The following ST6GALNAC3 variants were observed in gnomAD, a reference collection of about 807,000 sequenced individuals.
ST6GALNAC3 encodes the protein ST6 N-acetylgalactosaminide alpha-2,6-sialyltransferase 3.
A neutral mutation model predicts 32.7 loss-of-function variants in ST6GALNAC3; 25 were observed. The observed-to-expected ratio is 0.76, with a 90% CI of 0.56 to 1.07. The LOEUF (loss-of-function observed/expected upper bound fraction) is 1.07. Among genes scored for constraint, ST6GALNAC3 ranks in the 50% least tolerant of loss-of-function variants. The pLI is 0.00. For synonymous variants in ST6GALNAC3, 129 were observed against 133.1 expected, an observed-to-expected ratio of 0.97 and a Z score of 0.21; for missense variants, 355 against 382.4, an observed-to-expected ratio of 0.93 and a Z score of 0.60.
At chr1:76,625,540 A>G (rs1445231091) in intron 3 of ST6GALNAC3, among the ~76,000 whole-genome samples, 1 of 151,920 alleles carries the variant, frequency 6.6e-6, no homozygotes, top group Non-Finnish European at 1.5e-5. Flanking sequence ...CAGTACATAG[A>G]CAAAATATTT....
intron 2 of ST6GALNAC3, among the ~76,000 whole-genome samples, chr1:76,322,814 T>C (rs1646994882): frequency 7.1e-6 from 1 of 141,356 alleles, no homozygotes; most frequent in South Asian, 2.3e-4. Context: ...CTAATAGGCA[T>C]TTGCCAAGTA....
At chr1:76,183,965 C>T (rs1653367604) in intron 1 of ST6GALNAC3, among the ~76,000 whole-genome samples, 1 of 150,694 alleles carries the variant, frequency 6.6e-6, no homozygotes, top group South Asian at 2.1e-4. Context: ...CCCACTTCTT[C>T]AGTCATGTGA....
chr1:76,157,264 T>A (rs576178395), intron 1 of ST6GALNAC3, among the ~76,000 whole-genome samples: 1 of 152,352 alleles, frequency 6.6e-6, no homozygotes, highest in African/African-American at 2.4e-5. Flanking sequence ...GCTCTTAAGC[T>A]GTTACATGTC....
intron 3 of ST6GALNAC3, among the ~76,000 whole-genome samples, chr1:76,437,224 C>T (rs937467082): frequency 2.6e-5 from 4 of 152,176 alleles, no homozygotes; most frequent in South Asian, 2.1e-4. Context: ...TAAGTCTGAA[C>T]GAGAAAGCAA....
At chr1:76,211,041 G>T (rs1655125569) in intron 1 of ST6GALNAC3, among the ~76,000 whole-genome samples, 1 of 152,118 alleles carries the variant, frequency 6.6e-6, no homozygotes, top group Non-Finnish European at 1.5e-5. Flanking sequence ...CTCTTCTTAT[G>T]GGGACACTGG....
At position 76,431,975 on chromosome 1, in the gene ST6GALNAC3, C is replaced by G. The variant is rs565905002; in HGVS notation, c.623+19558C>G. Among the ~76,000 whole-genome samples the G allele has an allele frequency of 2.3e-4, 35 of 152,298 alleles. No individual in the cohort carries two copies. The South Asian group carries it at 7.2e-3, about 32-fold the overall frequency. ...TTCACTGTCCTAAAAGTCTTCTCTG[C>G]TCTGTCTATTCATCCCTCTCTCTCC... On this transcript the variant is annotated intron_variant, in intron 3 of 4. Coordinates refer to ENST00000328299, the MANE Select transcript of ST6GALNAC3 (RefSeq NM_152996.4).
intron 2 of ST6GALNAC3, among the ~76,000 whole-genome samples, chr1:76,355,408 A>T (rs894770758): frequency 2.0e-5 from 3 of 151,928 alleles, no homozygotes; most frequent in African/African-American, 7.3e-5. Flanking sequence ...CTGCTTTGAG[A>T]TGTGCATTGT....
chr1:76,619,261 C>T (rs1249372830), intron 3 of ST6GALNAC3, among the ~76,000 whole-genome samples: 2 of 152,068 alleles, frequency 1.3e-5, no homozygotes, highest in Non-Finnish European at 2.9e-5. Flanking sequence ...TATGTGTTTG[C>T]ATTTCCACTA....
intron 1 of ST6GALNAC3, among the ~76,000 whole-genome samples, chr1:76,300,725 G>C: frequency 6.6e-6 from 1 of 152,034 alleles, no homozygotes; most frequent in East Asian, 1.9e-4. Context: ...TGGGGAGAAG[G>C]TGGGATATGG....
chr1:76,368,468 GC>G (rs1393498093), intron 2 of ST6GALNAC3, among the ~76,000 whole-genome samples: 2 of 152,070 alleles, frequency 1.3e-5, no homozygotes, highest in Non-Finnish European at 2.9e-5. Flanking sequence ...CCTCACTGAT[GC>G]CCCAAATCTG....
At chr1:76,557,130 C>T (rs1472369727) in intron 3 of ST6GALNAC3, among the ~76,000 whole-genome samples, 1 of 151,870 alleles carries the variant, frequency 6.6e-6, no homozygotes, top group African/African-American at 2.4e-5. Context: ...AAAAATTACC[C>T]CCTCCCCGAC....
chr1:76,624,878 A>G (rs1198740313), intron 3 of ST6GALNAC3, among the ~76,000 whole-genome samples: 2 of 151,976 alleles, frequency 1.3e-5, no homozygotes, highest in Non-Finnish European at 2.9e-5. Flanking sequence ...CCATCACACA[A>G]GGGAGCATGA....
At chr1:76,504,047 C>T (rs1661332365) in intron 3 of ST6GALNAC3, among the ~76,000 whole-genome samples, 1 of 152,168 alleles carries the variant, frequency 6.6e-6, no homozygotes, top group South Asian at 2.1e-4. Flanking sequence ...CCTAGGCTGC[C>T]ATAGAAAATT....
intron 1 of ST6GALNAC3, among the ~76,000 whole-genome samples, chr1:76,099,473 A>T (rs1020777919): frequency 6.6e-6 from 1 of 152,224 alleles, no homozygotes; most frequent in African/African-American, 2.4e-5. Flanking sequence ...TGTTTATAAA[A>T]TGTAAAACTA....
chr1:76,470,652 A>T (rs945543272), intron 3 of ST6GALNAC3, among the ~76,000 whole-genome samples: 1 of 151,962 alleles, frequency 6.6e-6, no homozygotes, highest in Non-Finnish European at 1.5e-5. Flanking sequence ...AGGGGGGAAA[A>T]ATCCAGGGTT....
intron 3 of ST6GALNAC3, among the ~76,000 whole-genome samples, chr1:76,556,525 C>T (rs1244376663): frequency 1.3e-5 from 2 of 152,020 alleles, no homozygotes; most frequent in Non-Finnish European, 2.9e-5. Context: ...TCTGATTTCT[C>T]CATATCTTAG....
intron 3 of ST6GALNAC3, among the ~76,000 whole-genome samples, chr1:76,422,742 T>G (rs895601789): frequency 6.6e-6 from 1 of 152,072 alleles, no homozygotes; most frequent in African/African-American, 2.4e-5. Context: ...TAAAGAATTC[T>G]AAGATATCAA....
intron 3 of ST6GALNAC3, among the ~76,000 whole-genome samples, chr1:76,560,556 C>T (rs1352005378): frequency 6.6e-6 from 1 of 152,144 alleles, no homozygotes; most frequent in East Asian, 1.9e-4. Context: ...GGAAGACATA[C>T]AAATGGCAAA....
intron 3 of ST6GALNAC3, among the ~76,000 whole-genome samples, chr1:76,545,257 C>T (rs2100319376): frequency 6.6e-6 from 1 of 152,312 alleles, no homozygotes; most frequent in East Asian, 1.9e-4. Flanking sequence ...TCCTATCCTA[C>T]ATTGCAAAAT....
Sources: allele counts gnomAD v4.1 joint callset (sites outside exome capture counted in the v4.1 genomes callset), GRCh38; gene constraint gnomAD v4.1.1; transcripts MANE v1.5; gene names NCBI Gene and HGNC (gene_info 2026-07-23, HGNC 2026-07-21).